Variants in TRAPPC9 observed in about 807,000 individuals in gnomAD.
TRAPPC9 encodes IKK2 binding protein.
A neutral mutation model predicts 124.0 loss-of-function variants in TRAPPC9; 83 were observed. The observed-to-expected ratio is 0.67, with a 90% CI of 0.56 to 0.80. The LOEUF (loss-of-function observed/expected upper bound fraction) is 0.80. Ranked by LOEUF, TRAPPC9 falls within the 30% of genes least tolerant of loss-of-function variation. The pLI, the probability that TRAPPC9 is intolerant of heterozygous loss-of-function variation, is 0.00. For missense variants in TRAPPC9, 1,302 were observed against 1,508.3 expected (o/e 0.86, Z 2.27); for synonymous variants, 638 against 617.5 (o/e 1.03, Z -0.49).
chr8:140,101,242 C>A (rs1445444122), intron 17 of TRAPPC9, among the ~76,000 whole-genome samples: 2 of 152,028 alleles, frequency 1.3e-5, no homozygotes, highest in Non-Finnish European at 2.9e-5. Flanking sequence ...CAGATTCAAG[C>A]GATTCTCCTG....
chr8:140,454,566 G>A (rs1174025679), intron 1 of TRAPPC9, among the ~76,000 whole-genome samples: 1 of 149,994 alleles, frequency 6.7e-6, no homozygotes, highest in Non-Finnish European at 1.5e-5. Context: ...CTTGAACCCA[G>A]GAGATGGGGG....
chr8:140,457,838 AG>A, upstream of TRAPPC9: 1 of 1,062,084 alleles, frequency 9.4e-7, no homozygotes, highest in Non-Finnish European at 1.1e-6. Context: ...GAGGGAAGCA[AG>A]GGGGTAGGAG....
chr8:140,033,672 T>TTGTTG (rs1563706805), intron 17 of TRAPPC9, among the ~76,000 whole-genome samples: 2 of 94,210 alleles, frequency 2.1e-5, no homozygotes, highest in Non-Finnish European at 4.1e-5. Context: ...TTTTTTTTTT[T>TTGTTG]TTTTTTTTTT....
At chr8:140,148,587 A>G (rs1242809735) in intron 17 of TRAPPC9, among the ~76,000 whole-genome samples, 1 of 152,188 alleles carries the variant, frequency 6.6e-6, no homozygotes, top group Admixed American at 6.5e-5. Context: ...ACATGCCAAC[A>G]TCCCACAGTC....
intron 9 of TRAPPC9, among the ~76,000 whole-genome samples, chr8:140,323,797 T>C (rs2066662651): frequency 1.3e-5 from 2 of 152,088 alleles, no homozygotes; most frequent in East Asian, 1.9e-4. Flanking sequence ...AAATACAAGA[T>C]GGTAGACTTG....
At chr8:140,130,627 C>G (rs914574932) in intron 17 of TRAPPC9, among the ~76,000 whole-genome samples, 20 of 152,274 alleles carry the variant, frequency 1.3e-4, no homozygotes, top group African/African-American at 4.8e-4. Context: ...CATCTAAAAG[C>G]CACTCCTGGG....
At chr8:140,263,782 C>T (rs550485793) in intron 15 of TRAPPC9, among the ~76,000 whole-genome samples, 128 of 152,282 alleles carry the variant, frequency 8.4e-4, no homozygotes, top group African/African-American at 3.0e-3. Context: ...AATATTATAA[C>T]GTTGACCATC....
chr8:139,979,581 G>C (rs1034098947), intron 19 of TRAPPC9, among the ~76,000 whole-genome samples: 4 of 152,014 alleles, frequency 2.6e-5, no homozygotes, highest in Non-Finnish European at 5.9e-5. Context: ...GGAGGGGACA[G>C]GCACCCCTCT....
intron 21 of TRAPPC9, among the ~76,000 whole-genome samples, chr8:139,787,665 TTA>T (rs1822361173): frequency 6.6e-6 from 1 of 152,238 alleles, no homozygotes; most frequent in Non-Finnish European, 1.5e-5. Flanking sequence ...CTGGCGACTA[TTA>T]ACTTTCACTT....
intron 19 of TRAPPC9, among the ~76,000 whole-genome samples, chr8:139,982,573 C>G (rs1836983234): frequency 1.3e-5 from 2 of 152,196 alleles, no homozygotes; most frequent in African/African-American, 4.8e-5. Context: ...ACTCACCAGG[C>G]ACCAAGCATC....
intron 21 of TRAPPC9, among the ~76,000 whole-genome samples, chr8:139,802,462 C>T (rs1446678922): frequency 1.3e-5 from 2 of 152,164 alleles, no homozygotes; most frequent in African/African-American, 4.8e-5. Flanking sequence ...GAGTGGGCTT[C>T]CCACCCTGGC....
chr8:139,916,375 T>C (rs1467435454), intron 19 of TRAPPC9: 1 of 152,244 alleles, frequency 6.6e-6, no homozygotes, highest in Non-Finnish European at 1.5e-5. Context: ...GCTGCTGTCA[T>C]GATTCTGAAA....
chr8:140,298,574 C>T (rs2065876646), intron 11 of TRAPPC9, among the ~76,000 whole-genome samples: 1 of 152,124 alleles, frequency 6.6e-6, no homozygotes, highest in Non-Finnish European at 1.5e-5. Flanking sequence ...ATCAACTGAG[C>T]CCAGGAGGTT....
At chr8:140,256,737 CA>C (rs2131531211) in intron 15 of TRAPPC9, among the ~76,000 whole-genome samples, 1 of 152,294 alleles carries the variant, frequency 6.6e-6, no homozygotes, top group Non-Finnish European at 1.5e-5. Flanking sequence ...CCTAGCTTGC[CA>C]TTGGCTGTGT....
At chr8:140,186,783 G>A (rs2131051100) in intron 17 of TRAPPC9, among the ~76,000 whole-genome samples, 1 of 152,210 alleles carries the variant, frequency 6.6e-6, no homozygotes, top group South Asian at 2.1e-4. Context: ...ATGTACAGCT[G>A]GTGAAACACT....
chr8:140,409,557 T>C (rs1290150936), intron 5 of TRAPPC9, among the ~76,000 whole-genome samples: 1 of 151,982 alleles, frequency 6.6e-6, no homozygotes, highest in Non-Finnish European at 1.5e-5. Context: ...CAATCAAACA[T>C]CCACATGCAG....
chr8:140,387,271 C>G (rs2068780006), intron 7 of TRAPPC9, among the ~76,000 whole-genome samples: 1 of 152,124 alleles, frequency 6.6e-6, no homozygotes, highest in South Asian at 2.1e-4. Flanking sequence ...CATAAAAACC[C>G]TAGAAGAAAA....
At chr8:140,458,450 CGGCCTGGGAGCGCCTCCAGGATCGCAG>C (rs1398034500), upstream of TRAPPC9, 1 of 1,576,610 alleles carries the variant, frequency 6.3e-7, no homozygotes, top group African/African-American at 1.4e-5. Context: ...GTGGCGCGCG[CGGCCTGGGAGCGCCTCCAGGATCGCAG>C]GGCCCGGGAG....
At chr8:140,024,760 T>C (rs1840030333) in intron 17 of TRAPPC9, among the ~76,000 whole-genome samples, 2 of 148,776 alleles carry the variant, frequency 1.3e-5, no homozygotes, top group African/African-American at 2.5e-5. Context: ...TGCGCCGGCC[T>C]AAACACGGCA....
Sources: allele counts gnomAD v4.1 joint callset (sites outside exome capture counted in the v4.1 genomes callset), GRCh38; gene constraint gnomAD v4.1.1; transcripts MANE v1.5; gene names NCBI Gene and HGNC (gene_info 2026-07-23, HGNC 2026-07-21).